PABPC1: variants seen among roughly 807,000 people sequenced by gnomAD.
The protein encoded by PABPC1 is poly(A) binding protein cytoplasmic 1.
Under a neutral mutation model 74.0 loss-of-function variants are expected in PABPC1, and 4 were observed. That is an observed-to-expected ratio of 0.05 (90% CI 0.03 to 0.12). PABPC1 has a LOEUF of 0.12. Ranked by LOEUF, PABPC1 falls within the 10% of genes least tolerant of loss-of-function variation. The pLI, the probability that PABPC1 is intolerant of heterozygous loss-of-function variation, is 1.00. For missense variants in PABPC1, 271 were observed against 821.1 expected (o/e 0.33, Z 8.19); for synonymous variants, 227 against 264.1 (o/e 0.86, Z 1.36).
At chr8:100,710,708 C>T (rs868797567) in intron 7 of PABPC1, among the ~76,000 whole-genome samples, 1 of 152,090 alleles carries the variant, frequency 6.6e-6, no homozygotes, top group Non-Finnish European at 1.5e-5. Flanking sequence ...AATGTTTGGC[C>T]GGGCGCGGTG....
At position 100,706,568 on chromosome 8, in the gene PABPC1, T is replaced by A. The variant is rs928965329; in HGVS notation, c.1602+83A>T. On this transcript the variant is annotated intron_variant, in intron 11 of 14. Transcript: ENST00000318607. ...TCCCAAAGTGCTGGGGTTATAGGTG[T>A]GAGCCACTGTGCCCAGCTGTCTTCA... is the stretch of plus-strand genomic sequence containing the variant. 5 of 1,253,574 alleles carry A rather than the reference T, an allele frequency of 4.0e-6. No homozygotes were observed. The African/African-American group carries it at 7.4e-5, about 19-fold the overall frequency. 77.7% of individuals were successfully genotyped at this position (1,253,574 alleles called of 1,614,324 possible).
At chr8:100,704,136 T>C in intron 14 of PABPC1, 161 bp downstream of exon 14, 1 of 575,042 alleles carries the variant, frequency 1.7e-6, no homozygotes, top group East Asian at 2.9e-5. Context: ...ATTCCTTTAA[T>C]TCCTCTATAG....
rs1226367087 is a variant in PABPC1, at chr8:100,703,101, G to A, written c.*260C>T. 1 of 164,022 alleles carries A rather than the reference G, an allele frequency of 6.1e-6. No individual in the cohort carries two copies. The highest frequency in any genetic ancestry group is 1.5e-5 in the Non-Finnish European group (1 of 68,094). 10.2% of individuals were successfully genotyped at this position (164,022 alleles called of 1,614,324 possible). A position where few individuals can be genotyped will look rare whatever the true frequency, so the allele number is the denominator to read the frequency against. On this transcript the variant is annotated 3_prime_UTR_variant, in exon 15 of 15. Transcript: ENST00000318607. ...CTTTGCTGAAAATTCTTTTTCCCAG[G>A]GTCTATAAAACATTAATTTGTTTTT...
intron 1 of PABPC1, among the ~76,000 whole-genome samples, chr8:100,718,939 A>T (rs1430397395): frequency 6.6e-6 from 1 of 152,210 alleles, no homozygotes; most frequent in Non-Finnish European, 1.5e-5. Context: ...TGGTTTCATA[A>T]TCACAGAATT....
In PABPC1 at chr8:100,721,307, C is replaced by T. The variant is rs1810821916; in HGVS notation, c.193+84G>A. 5.7e-6 allele frequency: 3 copies of T among 526,662 alleles called. No individual in the cohort carries two copies. The highest frequency in any genetic ancestry group is 5.1e-6 in the Non-Finnish European group (2 of 388,790). 32.6% of individuals were successfully genotyped at this position (526,662 alleles called of 1,614,324 possible). Reference sequence around the variant, plus strand: ...ATGCCCTCCCGCCCCCCTCCCCGGGCCCGCCGGCCTACCCCGCCCGCCGCC... The same window carrying T: ...ATGCCCTCCCGCCCCCCTCCCCGGGTCCGCCGGCCTACCCCGCCCGCCGCC... On this transcript the variant is annotated intron_variant, in intron 1 of 14. Coordinates refer to ENST00000318607, the MANE Select transcript of PABPC1 (RefSeq NM_002568.4). This position sits in a 1 kb window ranked among gnomAD's most constrained non-coding sequence, Gnocchi z 7.4.
chr8:100,706,990 T>C lies in PABPC1; in HGVS notation c.1344A>G (p.Gln448=), dbSNP rs760550847. The change falls in exon 10 of 15, where the codon CAA becomes CAG. Residue 448 remains glutamine (Q), a synonymous_variant. Transcript: ENST00000318607. The part of the protein sequence containing the change: ...TAQGARPHPF[Q]NMPGAIRPAA... The stretch of plus-strand genomic sequence containing the variant: ...CTGGGCGGATAGCACCGGGCATATT[T>C]TGGAATGCTGCATTTTAAAGATGTG... 1 of 1,611,480 alleles carries C rather than the reference T, an allele frequency of 6.2e-7. No homozygotes were observed. The highest frequency in any genetic ancestry group is 1.1e-5 in the South Asian group (1 of 91,010).
intron 4 of PABPC1, among the ~76,000 whole-genome samples, chr8:100,714,304 G>A (rs750143966): frequency 7.2e-5 from 11 of 152,192 alleles, no homozygotes; most frequent in Non-Finnish European, 1.3e-4. Context: ...ATAAAAGGCA[G>A]TAGCTAAATT....
chr8:100,709,086 T>C (rs1810461232), intron 9 of PABPC1, 47 bp downstream of exon 9: 2 of 1,402,680 alleles, frequency 1.4e-6, no homozygotes, highest in Non-Finnish European at 2.0e-6. Context: ...CCCAATGTGT[T>C]ATTTTTAACT....
chr8:100,720,374 G>C lies in PABPC1; in HGVS notation c.193+1017C>G, dbSNP rs114996124. On this transcript the variant is annotated intron_variant, in intron 1 of 14. Transcript: ENST00000318607. ...AGCTCAATTTAATCTCCGTTATTTT[G>C]TACTCAGTCATTTCCCAAGATTTAC... Among the ~76,000 whole-genome samples, 169 of 152,118 alleles carry C rather than the reference G, an allele frequency of 1.1e-3. 2 individuals are homozygous for C. The highest frequency in any genetic ancestry group is 3.9e-3 in the African/African-American group (160 of 41,480).
chr8:100,708,604 C>T (rs1219619990), intron 9 of PABPC1, among the ~76,000 whole-genome samples: 1 of 152,192 alleles, frequency 6.6e-6, no homozygotes, highest in East Asian at 1.9e-4. Context: ...GGCTGGGTGC[C>T]ATGGCTCACG....
At position 100,715,692 on chromosome 8, in the gene PABPC1, G is replaced by A. The variant is rs142235565; in HGVS notation, c.504-91C>T. 5.4e-5 allele frequency: 46 copies of A among 848,286 alleles called. No homozygotes were observed. In the East Asian group the frequency reaches 1.1e-3, roughly 19 times the overall value. 52.5% of individuals were successfully genotyped at this position (848,286 alleles called of 1,614,324 possible). On this transcript the variant is annotated intron_variant, in intron 3 of 14. Transcript: ENST00000318607. ...GATGGTTGGTTTTGTTACTGTTAAT[G>A]AGAATATTCAGAATCCCTAATAAAA... is the stretch of plus-strand genomic sequence containing the variant.
rs1460136177 is a variant in PABPC1 at position 100,720,261 on chromosome 8, A to G, written c.193+1130T>C. Among the ~76,000 whole-genome samples, 4 of 138,340 alleles carry G rather than the reference A, an allele frequency of 2.9e-5. No individual in the cohort carries two copies. The East Asian group carries it at 7.7e-4, about 27-fold the overall frequency. The allele number at this position is 138,340 out of a possible 152,430, so 90.8% of individuals were successfully genotyped here. ...CCTAGCAACTCAACAGACCACAGAT[A>G]TTATCTGTTTACAAAATTGTGTTTC... On this transcript the variant is annotated intron_variant, in intron 1 of 14. Transcript: ENST00000318607.
intron 3 of PABPC1, among the ~76,000 whole-genome samples, chr8:100,716,291 C>G (rs1426243378): frequency 6.6e-6 from 1 of 152,148 alleles, no homozygotes; most frequent in Non-Finnish European, 1.5e-5. Flanking sequence ...ATCCCACCTA[C>G]TTGGGAGGCT....
intron 4 of PABPC1, among the ~76,000 whole-genome samples, chr8:100,714,020 G>A (rs920467795): frequency 2.6e-5 from 4 of 152,194 alleles, no homozygotes; most frequent in Non-Finnish European, 5.9e-5. Context: ...TCTAAAGTAG[G>A]AGAGACAGGT....
At chr8:100,709,043 T>C in intron 9 of PABPC1, 90 bp downstream of exon 9, 1 of 982,684 alleles carries the variant, frequency 1.0e-6, no homozygotes, top group Non-Finnish European at 1.6e-6. Flanking sequence ...AATGCAATAG[T>C]TAACCTAACA....
chr8:100,719,468 C>T (rs1461235714), intron 1 of PABPC1, among the ~76,000 whole-genome samples: 3 of 151,336 alleles, frequency 2.0e-5, no homozygotes, highest in Non-Finnish European at 2.9e-5. Context: ...AAACTGGTCA[C>T]TTTCAGAAGC....
Position 100,705,046 on chromosome 8 carries a change from C to T in PABPC1, c.1698G>A (p.Leu566=), listed in dbSNP as rs775197453. 1 of 1,613,170 alleles carries T rather than the reference C, an allele frequency of 6.2e-7. No homozygotes were observed. The highest frequency in any genetic ancestry group is 8.5e-7 in the Non-Finnish European group (1 of 1,179,740). The change falls in exon 13 of 15, where the codon CTG becomes CTA. Residue 566 remains leucine, a synonymous_variant. Coordinates refer to ENST00000318607, the MANE Select transcript of PABPC1 (RefSeq NM_002568.4). ...GGTGCATGGCTTGAATAAGAGGAAACAGCCGTTCACCTAGGAACAGAAACA... is the reference window on the plus strand; with the variant it reads ...GGTGCATGGCTTGAATAAGAGGAAATAGCCGTTCACCTAGGAACAGAAACA... The part of the protein sequence containing the change: ...QEQKQMLGER[L]FPLIQAMHPT...
intron 3 of PABPC1, 23 bp from the exon 4 acceptor site, chr8:100,715,624 T>C (rs1280769896): frequency 6.5e-7 from 1 of 1,538,826 alleles, no homozygotes; most frequent in African/African-American, 1.4e-5. Context: ...ACAAGGACTA[T>C]AACATTAGAT....
At chr8:100,706,263 G>C (rs2129675818) in intron 11 of PABPC1, among the ~76,000 whole-genome samples, 1 of 152,358 alleles carries the variant, frequency 6.6e-6, no homozygotes, top group South Asian at 2.1e-4. Flanking sequence ...CATATTAGCA[G>C]AATGTTCCAG....
Sources: allele counts gnomAD v4.1 joint callset (sites outside exome capture counted in the v4.1 genomes callset), GRCh38; gene constraint gnomAD v4.1.1; non-coding constraint Gnocchi (gnomAD v3.1); transcripts MANE v1.5; gene names NCBI Gene and HGNC (gene_info 2026-07-23, HGNC 2026-07-21).